OPCML: variants seen among roughly 807,000 people sequenced by gnomAD.
The protein encoded by OPCML is opioid binding protein/cell adhesion molecule like.
In OPCML, 13 loss-of-function variants were observed where a neutral mutation model predicts 37.8. The observed-to-expected ratio is 0.34, with a 90% CI of 0.22 to 0.55. The LOEUF is 0.55. Among genes scored for constraint, OPCML ranks in the 20% least tolerant of loss-of-function variants. The probability of loss-of-function intolerance (pLI) is 0.91; values close to 1 mark genes in which losing one functional copy is unlikely to be tolerated. For missense variants in OPCML, 341 were observed against 435.6 expected (o/e 0.78, Z 1.93); for synonymous variants, 176 against 168.8 (o/e 1.04, Z -0.33).
At chr11:132,769,164 T>A (rs1004164092) in intron 2 of OPCML, among the ~76,000 whole-genome samples, 3 of 151,856 alleles carry the variant, frequency 2.0e-5, no homozygotes, top group African/African-American at 7.3e-5. Context: ...CCCATTGTGT[T>A]ATTAGGGTCT....
rs1036031849 is a variant in OPCML, at chr11:133,359,184, C to T, written c.61+173080G>A. ...ATAAAATAAACTCCAAATGCTTTTG[C>T]TTGACATATAAATTCCTCTGAGATC... On this transcript the variant is annotated intron_variant, in intron 1 of 7. Coordinates refer to ENST00000524381, the MANE Select transcript of OPCML (RefSeq NM_001012393.5). Among the ~76,000 whole-genome samples the T allele has an allele frequency of 7.9e-5, 12 of 152,162 alleles. 1 individual carries two copies. Among genetic ancestry groups the T allele is most frequent in the Admixed American group, 7.9e-4 (12 of 15,280 alleles).
chr11:132,615,397 T>A (rs937144900), intron 3 of OPCML, among the ~76,000 whole-genome samples: 1 of 152,196 alleles, frequency 6.6e-6, no homozygotes, highest in African/African-American at 2.4e-5. Context: ...GGATTAATAA[T>A]GGTATTTTCC....
At chr11:133,285,339 T>C (rs1942267258) in intron 1 of OPCML, among the ~76,000 whole-genome samples, 1 of 152,168 alleles carries the variant, frequency 6.6e-6, no homozygotes, top group African/African-American at 2.4e-5. Flanking sequence ...ACTGAAGTCT[T>C]TTTCAGCCCT....
chr11:133,285,140 G>C (rs890960670), intron 1 of OPCML, among the ~76,000 whole-genome samples: 7 of 152,180 alleles, frequency 4.6e-5, no homozygotes, highest in Admixed American at 4.6e-4. Flanking sequence ...AGACACGGAA[G>C]AGTATATGTG....
At position 132,419,759 on chromosome 11, in the gene OPCML, C is replaced by G. The variant is rs1353257519; in HGVS notation, c.*434G>C. Reference sequence around the variant, plus strand: ...GAAAATAATCACAGATAATAGGACACTTGGATGTAGCTCTTGCTGTGCACT... The same window carrying G: ...GAAAATAATCACAGATAATAGGACAGTTGGATGTAGCTCTTGCTGTGCACT... On this transcript the variant is annotated 3_prime_UTR_variant, in exon 8 of 8. Transcript: ENST00000524381. 6.2e-6 allele frequency: 1 copy of G among 161,710 alleles called. No individual in the cohort carries two copies. The highest frequency in any genetic ancestry group is 1.3e-5 in the Non-Finnish European group (1 of 74,758). 10.0% of individuals were successfully genotyped at this position (161,710 alleles called of 1,614,324 possible).
At chr11:133,308,386 G>T (rs967389902) in intron 1 of OPCML, among the ~76,000 whole-genome samples, 1 of 152,036 alleles carries the variant, frequency 6.6e-6, no homozygotes, top group Non-Finnish European at 1.5e-5. Context: ...AATAAAGAAA[G>T]AAATTATAGA....
At chr11:133,479,350 A>C (rs898218528) in intron 1 of OPCML, among the ~76,000 whole-genome samples, 1 of 152,168 alleles carries the variant, frequency 6.6e-6, no homozygotes, top group Non-Finnish European at 1.5e-5. Context: ...GTCCCAGTGC[A>C]CATCAGCATA....
chr11:133,435,465 G>T (rs182355501), intron 1 of OPCML, among the ~76,000 whole-genome samples: 20 of 152,244 alleles, frequency 1.3e-4, no homozygotes, highest in African/African-American at 4.6e-4. Flanking sequence ...TTTCTCCTGG[G>T]GTGAGTTTAC....
intron 1 of OPCML, among the ~76,000 whole-genome samples, chr11:133,353,191 C>T (rs1175244084): frequency 6.6e-6 from 1 of 152,096 alleles, no homozygotes; most frequent in Non-Finnish European, 1.5e-5. Context: ...GTTTGAGATA[C>T]AGTCTCACCC....
chr11:133,319,168 T>C (rs1943272391), intron 1 of OPCML, among the ~76,000 whole-genome samples: 1 of 152,260 alleles, frequency 6.6e-6, no homozygotes, highest in Non-Finnish European at 1.5e-5. Context: ...TCACCTAGGA[T>C]ACCAATCAGA....
intron 2 of OPCML, among the ~76,000 whole-genome samples, chr11:132,862,932 G>T (rs1942368208): frequency 6.6e-6 from 1 of 152,144 alleles, no homozygotes; most frequent in African/African-American, 2.4e-5. Context: ...AACCTTATCT[G>T]GCATGGTTAC....
intron 4 of OPCML, among the ~76,000 whole-genome samples, chr11:132,451,980 A>T (rs2096069435): frequency 1.3e-5 from 2 of 152,076 alleles, no homozygotes; most frequent in Admixed American, 1.3e-4. Context: ...CAATTCCCCT[A>T]AACCGCTTTG....
chr11:132,660,986 T>C (rs2135785138), intron 2 of OPCML, among the ~76,000 whole-genome samples: 1 of 152,276 alleles, frequency 6.6e-6, no homozygotes, highest in South Asian at 2.1e-4. Flanking sequence ...TGTCCTTGTA[T>C]AGGACCAACC....
intron 1 of OPCML, among the ~76,000 whole-genome samples, chr11:133,403,624 C>T: frequency 6.6e-6 from 1 of 152,144 alleles, no homozygotes; most frequent in East Asian, 1.9e-4. Flanking sequence ...TTATGGCGAC[C>T]TCCTTTCCAT....
At chr11:132,823,912 ACT>A (rs1435070371) in intron 2 of OPCML, among the ~76,000 whole-genome samples, 8 of 151,614 alleles carry the variant, frequency 5.3e-5, no homozygotes, top group Admixed American at 5.3e-4. Flanking sequence ...TCTGACATGC[ACT>A]CTCTTGTTCT....
chr11:133,407,045 G>A (rs1010947178), intron 1 of OPCML, among the ~76,000 whole-genome samples: 1 of 152,108 alleles, frequency 6.6e-6, no homozygotes, highest in Non-Finnish European at 1.5e-5. Context: ...GATTAATCTT[G>A]CCAACCTTTA....
At chr11:132,472,556 C>T (rs769327334) in intron 4 of OPCML, among the ~76,000 whole-genome samples, 2 of 152,236 alleles carry the variant, frequency 1.3e-5, no homozygotes, top group Non-Finnish European at 2.9e-5. Flanking sequence ...AAGACATTCT[C>T]TTCTGTAATT....
At chr11:132,484,721 T>C (rs867694473) in intron 4 of OPCML, among the ~76,000 whole-genome samples, 2 of 151,910 alleles carry the variant, frequency 1.3e-5, no homozygotes, top group East Asian at 3.9e-4. Context: ...ATATACACCA[T>C]GGAATACTAT....
At chr11:132,973,672 C>T (rs1490218192) in intron 1 of OPCML, among the ~76,000 whole-genome samples, 5 of 152,184 alleles carry the variant, frequency 3.3e-5, no homozygotes, top group African/African-American at 1.2e-4. Flanking sequence ...CTCATGCTCA[C>T]CAAAGGCAAA....
Sources: gnomAD v4.1 joint callset for allele counts (sites outside exome capture counted in the v4.1 genomes callset) on GRCh38, gnomAD v4.1.1 for gene constraint, MANE v1.5 for transcripts, NCBI Gene and HGNC (gene_info 2026-07-23, HGNC 2026-07-21) for gene names.